The following ZNF750 variants were observed in gnomAD, a reference collection of about 807,000 sequenced individuals.
ZNF750 encodes protein ZNF750.
ZNF750 carries 10 observed loss-of-function variants against 31.6 expected under a neutral mutation model. The observed-to-expected ratio is 0.32, with a 90% CI of 0.19 to 0.54. The LOEUF (loss-of-function observed/expected upper bound fraction) is 0.54, where lower values mean the gene tolerates loss of function less well. ZNF750 is among the 20% of genes least tolerant of loss of function. ZNF750 has a pLI of 0.95. For synonymous variants in ZNF750, 400 were observed against 404.9 expected (o/e 0.99, Z 0.15); for missense variants, 914 against 934.9 (o/e 0.98, Z 0.29).
chr17:82,838,979 C>T (rs1026911271), intron 1 of ZNF750: 12 of 985,220 alleles, frequency 1.2e-5, no homozygotes, highest in Non-Finnish European at 1.4e-5. Context: ...TGTTCTCCTC[C>T]AAATCAAGTT....
At position 82,830,458 on chromosome 17, in the gene ZNF750, G is replaced by C. The variant is rs985679628; in HGVS notation, c.1856C>G (p.Pro619Arg). ...APPTGPGEEAPDACAVDSSEE... is the reference protein window; with the variant it reads ...APPTGPGEEARDACAVDSSEE... The stretch of plus-strand genomic sequence containing the variant: ...GCTGCTGTCCACCGCGCATGCGTCT[G>C]GAGCCTCCTCGCCGGGGCCTGTGGG... The change falls in exon 3 of 3, where the codon CCA becomes CGA. Residue 619 changes from proline (P) to arginine (R), a missense_variant. Around this residue, in one of 2 missense-constraint regions of ZNF750, gnomAD observed 880 missense variants for 868.9 expected, o/e 1.01. Coordinates refer to ENST00000269394, the MANE Select transcript of ZNF750 (RefSeq NM_024702.3). 2 of 1,612,738 alleles carry C rather than the reference G, an allele frequency of 1.2e-6. No individual in the cohort carries two copies. Among genetic ancestry groups the C allele is most frequent in the Non-Finnish European group, 1.7e-6 (2 of 1,179,828 alleles).
rs1355699706 is a variant in ZNF750, at chr17:82,831,531, G to A, written c.924C>T (p.Phe308=). ...SPATYDHYRF[F]QQYPSNLPIP... ...TCGGCAGGTTAGAGGGATATTGCTG[G>A]AAAAACCTGTAGTGATCGTATGTGG... The change falls in exon 2 of 3, where the codon TTC becomes TTT. Residue 308 remains phenylalanine, a synonymous_variant. Coordinates refer to ENST00000269394, the MANE Select transcript of ZNF750 (RefSeq NM_024702.3). This position sits in a 1 kb window ranked among gnomAD's most constrained non-coding sequence, Gnocchi z 4.6. 1.2e-6 allele frequency: 2 copies of A among 1,614,042 alleles called. No individual in the cohort carries two copies. Among genetic ancestry groups the A allele is most frequent in the Admixed American group, 3.3e-5 (2 of 59,998 alleles).
chr17:82,829,922 G>T lies in ZNF750; in HGVS notation c.*220C>A. The stretch of plus-strand genomic sequence containing the variant: ...ATATCAGTCTTAGAGTCATTCAGGT[G>T]TTTTTACAACCAAAAGTAGAAGCAC... On this transcript the variant is annotated 3_prime_UTR_variant, in exon 3 of 3. Coordinates refer to ENST00000269394, the MANE Select transcript of ZNF750 (RefSeq NM_024702.3). 1.4e-6 allele frequency: 1 copy of T among 699,440 alleles called. No homozygotes were observed. The highest frequency in any genetic ancestry group is 2.3e-6 in the Non-Finnish European group (1 of 429,684). 43.3% of individuals were successfully genotyped at this position (699,440 alleles called of 1,614,324 possible).
chr17:82,833,632 C>G lies in ZNF750; in HGVS notation c.-182-996G>C, dbSNP rs546725093. 2.8e-4 allele frequency among the ~76,000 whole-genome samples: 43 copies of G among 152,336 alleles called. No homozygotes were observed. The highest frequency in any genetic ancestry group is 9.9e-4 in the African/African-American group (41 of 41,578). Reference sequence around the variant, plus strand: ...AGGAGGCATGGCCAGCAGCGCCTGCCCGTCCAGATGCACCACCAAATGGAA... The same window carrying G: ...AGGAGGCATGGCCAGCAGCGCCTGCGCGTCCAGATGCACCACCAAATGGAA... On this transcript the variant is annotated intron_variant, in intron 1 of 2. Coordinates refer to ENST00000269394, the MANE Select transcript of ZNF750 (RefSeq NM_024702.3). The surrounding 1 kb of genome is among the most constrained non-coding windows in gnomAD (Gnocchi z 4.7).
Position 82,832,032 on chromosome 17 carries a change from T to C in ZNF750, c.423A>G (p.Pro141=), listed in dbSNP as rs371018840. 12 of 1,612,706 alleles carry C rather than the reference T, an allele frequency of 7.4e-6. No homozygotes were observed. The African/African-American group carries it at 1.5e-4, about 20-fold the overall frequency. ...GGGCACCGAGGGCGGCTTCCGGAGCTGGGCTCTTGCAGGGTGATGCCCTGT... is the reference window on the plus strand; with the variant it reads ...GGGCACCGAGGGCGGCTTCCGGAGCCGGGCTCTTGCAGGGTGATGCCCTGT... ...ALHRASPCKS[P]APEAALGAQP... is the part of the protein sequence containing the mutation. Residue 141 remains proline, a synonymous_variant, in exon 2 of 3, where the codon CCA becomes CCG. Transcript: ENST00000269394. This position sits in a 1 kb window ranked among gnomAD's most constrained non-coding sequence, Gnocchi z 4.9.
rs2053897940 is a variant in ZNF750 at position 82,835,572 on chromosome 17, A to G, written c.-182-2936T>C. Reference sequence around the variant, plus strand: ...CTAGTAGCTGGGATTACAGGTGCCTACCACCACGCCCAGCTAATTTTTTTG... The same window carrying G: ...CTAGTAGCTGGGATTACAGGTGCCTGCCACCACGCCCAGCTAATTTTTTTG... On this transcript the variant is annotated intron_variant, in intron 1 of 2. Transcript: ENST00000269394. The surrounding 1 kb of genome is among the most constrained non-coding windows in gnomAD (Gnocchi z 4.5). 1.3e-5 allele frequency among the ~76,000 whole-genome samples: 2 copies of G among 151,720 alleles called. No homozygotes were observed. Among genetic ancestry groups the G allele is most frequent in the African/African-American group, 2.4e-5 (1 of 41,294 alleles).
chr17:82,839,565 T>C (rs1008036719), intron 1 of ZNF750, among the ~76,000 whole-genome samples: 5 of 152,194 alleles, frequency 3.3e-5, no homozygotes, highest in Non-Finnish European at 7.3e-5. Context: ...ACACCACACA[T>C]ATATATATGA....
chr17:82,836,912 G>A (rs1019923877), intron 1 of ZNF750, among the ~76,000 whole-genome samples: 3 of 152,164 alleles, frequency 2.0e-5, no homozygotes, highest in Admixed American at 1.3e-4. Flanking sequence ...TCACGTAAGC[G>A]GGTGTGGCAG....
rs2053571089 is a variant in ZNF750 at position 82,832,080 on chromosome 17, G to A, written c.375C>T (p.Cys125=). 1 of 1,613,988 alleles carries A rather than the reference G, an allele frequency of 6.2e-7. No homozygotes were observed. The highest frequency in any genetic ancestry group is 2.2e-5 in the East Asian group (1 of 44,884). The change falls in exon 2 of 3, where the codon TGC becomes TGT. Residue 125 remains cysteine, a synonymous_variant. Transcript: ENST00000269394. This position sits in a 1 kb window ranked among gnomAD's most constrained non-coding sequence, Gnocchi z 4.9. ...TGTGGAGGGCTGGCTTCTGTCCCAGGCACCTGTGGGTTCCCCGGGCTTGCA... is the reference window on the plus strand; with the variant it reads ...TGTGGAGGGCTGGCTTCTGTCCCAGACACCTGTGGGTTCCCCGGGCTTGCA... The part of the protein sequence containing the change: ...LELQARGTHR[C]LGQKPALHRA...
chr17:82,831,186 C>T lies in ZNF750; in HGVS notation c.1269G>A (p.Thr423=), dbSNP rs1481802447. ...CGTACAGGCCTTCGCAGGTCTGGCT[C>T]GTCTGCATGAAGTCGGTGGGGCTCG... The part of the protein sequence containing the change: ...GRPSPTDFMQ[T]SQTCEGLYDL... Residue 423 remains threonine (T), a synonymous_variant, in exon 2 of 3, where the codon ACG becomes ACA. Transcript: ENST00000269394. The surrounding 1 kb of genome is among the most constrained non-coding windows in gnomAD (Gnocchi z 4.6). 4 of 1,614,000 alleles carry T rather than the reference C, an allele frequency of 2.5e-6. No individual in the cohort carries two copies. Among genetic ancestry groups the T allele is most frequent in the African/African-American group, 1.3e-5 (1 of 74,912 alleles).
intron 2 of ZNF750, 49 bp from the exon 3 acceptor site, chr17:82,830,926 A>G (rs779333991): frequency 3.1e-6 from 5 of 1,613,106 alleles, no homozygotes; most frequent in Middle Eastern, 1.6e-4. Context: ...TAGAAAAGCA[A>G]CTGCGTGAAG....
At position 82,834,936 on chromosome 17, in the gene ZNF750, G is replaced by A. The variant is rs144416256; in HGVS notation, c.-182-2300C>T. ...TGGAGGGCTGGGGGCCGTGGCTCATGCCTGTAATCCCAGCACTTTGGGAGG... is the reference window on the plus strand; with the variant it reads ...TGGAGGGCTGGGGGCCGTGGCTCATACCTGTAATCCCAGCACTTTGGGAGG... On this transcript the variant is annotated intron_variant, in intron 1 of 2. Coordinates refer to ENST00000269394, the MANE Select transcript of ZNF750 (RefSeq NM_024702.3). Among the ~76,000 whole-genome samples, 282 of 152,154 alleles carry A rather than the reference G, an allele frequency of 1.9e-3. 2 individuals are homozygous for A. Among genetic ancestry groups the A allele is most frequent in the African/African-American group, 6.0e-3 (251 of 41,500 alleles).
At position 82,835,622 on chromosome 17, in the gene ZNF750, AC is replaced by A. The variant is rs1280965706; in HGVS notation, c.-182-2987del. On this transcript the variant is annotated intron_variant, in intron 1 of 2. Transcript: ENST00000269394. The surrounding 1 kb of genome is among the most constrained non-coding windows in gnomAD (Gnocchi z 4.5). Reference sequence around the variant, plus strand: ...GTAATTTTAGTAGAGATGGGGTTTCACTATGTTGGCCCGGCTGGTCTTGAAC... The same window carrying A: ...GTAATTTTAGTAGAGATGGGGTTTCATATGTTGGCCCGGCTGGTCTTGAAC... Among the ~76,000 whole-genome samples, 1 of 151,860 alleles carries A rather than the reference AC, an allele frequency of 6.6e-6. No homozygotes were observed. The highest frequency in any genetic ancestry group is 1.9e-4 in the East Asian group (1 of 5,170).
Position 82,835,162 on chromosome 17 carries a change from G to A in ZNF750, c.-182-2526C>T, listed in dbSNP as rs1052758550. Among the ~76,000 whole-genome samples the A allele has an allele frequency of 6.6e-6, 1 of 152,288 alleles. No individual in the cohort carries two copies. Among genetic ancestry groups the A allele is most frequent in the South Asian group, 2.1e-4 (1 of 4,826 alleles). On this transcript the variant is annotated intron_variant, in intron 1 of 2. Transcript: ENST00000269394. This position sits in a 1 kb window ranked among gnomAD's most constrained non-coding sequence, Gnocchi z 4.5. ...ATGTGCCCATTCTTGAGTCTGTGAGGTTTTATGTGTAGACATCAGGGTGGC... is the reference window on the plus strand; with the variant it reads ...ATGTGCCCATTCTTGAGTCTGTGAGATTTTATGTGTAGACATCAGGGTGGC...
chr17:82,831,140 A>C lies in ZNF750; in HGVS notation c.1315T>G (p.Ser439Ala). ...GGGTAGAGTCTTCCCAGTGCGCTGG[A>C]GGCTGCCTTGTTGGAGAGGTCGTAC... Reference protein sequence around the residue: ...GLYDLSNKAASSALGRLYPPE... With the variant: ...GLYDLSNKAAASALGRLYPPE... The change falls in exon 2 of 3, where the codon TCC becomes GCC. Residue 439 changes from serine (S) to alanine (A), a missense_variant. This residue lies in a region of ZNF750 where 880 missense variants were observed against 868.9 expected (regional missense o/e 1.01). Transcript: ENST00000269394. This position sits in a 1 kb window ranked among gnomAD's most constrained non-coding sequence, Gnocchi z 4.6. 6.2e-7 allele frequency: 1 copy of C among 1,614,048 alleles called. No individual in the cohort carries two copies. The highest frequency in any genetic ancestry group is 8.5e-7 in the Non-Finnish European group (1 of 1,180,020).
rs559146965 is a variant in ZNF750, at chr17:82,831,062, G to A, written c.1393C>T (p.Leu465=). The part of the protein sequence containing the change: ...FRPVKKSTEC[L]PAQAAETTAE... ...GTGGTCTCAGCAGCCTGGGCAGGTA[G>A]GCATTCTGTGCTTTTCTTAACAGGC... The change falls in exon 2 of 3, where the codon CTA becomes TTA. Residue 465 remains leucine (L), a synonymous_variant. Coordinates refer to ENST00000269394, the MANE Select transcript of ZNF750 (RefSeq NM_024702.3). The surrounding 1 kb of genome is among the most constrained non-coding windows in gnomAD (Gnocchi z 4.6). 6.2e-7 allele frequency: 1 copy of A among 1,614,202 alleles called. No individual in the cohort carries two copies. Among genetic ancestry groups the A allele is most frequent in the South Asian group, 1.1e-5 (1 of 91,088 alleles).
rs750618427 is a variant in ZNF750 at position 82,831,862 on chromosome 17, G to A, written c.593C>T (p.Ser198Leu). ...TAKAVSFHTK[S>L]AFHTPGYPWK... ...GGGGTAGCCAGGAGTGTGGAAGGCC[G>A]ACTTGGTGTGGAAAGACACGGCCTT... The change falls in exon 2 of 3, where the codon TCG becomes TTG. Residue 198 changes from serine (S) to leucine (L), a missense_variant. By Grantham distance (145) the Ser-to-Leu change is moderately radical (BLOSUM62 -2). Around this residue, in one of 2 missense-constraint regions of ZNF750, gnomAD observed 880 missense variants for 868.9 expected, o/e 1.01. Transcript: ENST00000269394. The surrounding 1 kb of genome is among the most constrained non-coding windows in gnomAD (Gnocchi z 4.6). 2.0e-5 allele frequency: 32 copies of A among 1,614,042 alleles called. No homozygotes were observed. The highest frequency in any genetic ancestry group is 9.9e-5 in the South Asian group (9 of 91,082).
Position 82,832,423 on chromosome 17 carries a change from T to G in ZNF750, c.32A>C (p.Lys11Thr). 2 of 1,613,424 alleles carry G rather than the reference T, an allele frequency of 1.2e-6. No homozygotes were observed. The highest frequency in any genetic ancestry group is 1.7e-6 in the Non-Finnish European group (2 of 1,180,016). The change falls in exon 2 of 3, where the codon AAG becomes ACG. Residue 11 changes from lysine (K) to threonine (T), a missense_variant. Physicochemically the swap from Lys to Thr is moderately conservative, Grantham distance 78. Coordinates refer to ENST00000269394, the MANE Select transcript of ZNF750 (RefSeq NM_024702.3). This position sits in a 1 kb window ranked among gnomAD's most constrained non-coding sequence, Gnocchi z 4.9. ...TGGAGGCCTGGGGATGTAATGTGGCTTTTTTGGCTTCCGCTCTTTGAGGAG... is the reference window on the plus strand; with the variant it reads ...TGGAGGCCTGGGGATGTAATGTGGCGTTTTTGGCTTCCGCTCTTTGAGGAG... MSLLKERKPK[K>T]PHYIPRPPGK...
chr17:82,831,362 A>G lies in ZNF750; in HGVS notation c.1093T>C (p.Leu365=). Residue 365 remains leucine (L), a synonymous_variant, in exon 2 of 3, where the codon TTA becomes CTA. Transcript: ENST00000269394. This position sits in a 1 kb window ranked among gnomAD's most constrained non-coding sequence, Gnocchi z 4.6. ...TTTCTGTTGGGGTCCGAAGGGTTTAACCTGGAAGGACTCGAGGCTGGATAG... is the reference window on the plus strand; with the variant it reads ...TTTCTGTTGGGGTCCGAAGGGTTTAGCCTGGAAGGACTCGAGGCTGGATAG... ...LVYPASSPSR[L]NPSDPNRKHV... 1.2e-6 allele frequency: 2 copies of G among 1,614,048 alleles called. No individual in the cohort carries two copies. Among genetic ancestry groups the G allele is most frequent in the Non-Finnish European group, 1.7e-6 (2 of 1,180,010 alleles).
Sources: allele counts gnomAD v4.1 joint callset (sites outside exome capture counted in the v4.1 genomes callset), GRCh38; gene constraint gnomAD v4.1.1; regional missense constraint gnomAD v4.1.1; non-coding constraint Gnocchi (gnomAD v3.1); transcripts MANE v1.5; gene names NCBI Gene and HGNC (gene_info 2026-07-23, HGNC 2026-07-21).